The following TACR3 variants were observed in gnomAD, a reference collection of about 807,000 sequenced individuals.
The protein encoded by TACR3 is neuromedin-K receptor.
In TACR3, 34 loss-of-function variants were observed where a neutral mutation model predicts 35.0. The observed-to-expected ratio is 0.97, with a 90% CI of 0.74 to 1.30. TACR3 has a LOEUF of 1.30. Ranked by LOEUF, TACR3 falls within the 50% of genes most tolerant of loss-of-function variation. The pLI, the probability that TACR3 is intolerant of heterozygous loss-of-function variation, is 0.00. For synonymous variants in TACR3, 233 were observed against 221.1 expected (o/e 1.05, Z -0.48); for missense variants, 558 against 591.7 (o/e 0.94, Z 0.59).
intron 1 of TACR3, among the ~76,000 whole-genome samples, chr4:103,686,772 GC>G (rs1010229368): frequency 9.9e-5 from 15 of 152,096 alleles, no homozygotes; most frequent in African/African-American, 2.9e-4. Flanking sequence ...CTAAAGAAAA[GC>G]TTTTTAGGAC....
intron 1 of TACR3, among the ~76,000 whole-genome samples, chr4:103,716,794 GT>G (rs1723100138): frequency 6.6e-6 from 1 of 152,142 alleles, no homozygotes. Flanking sequence ...ATATAATTCA[GT>G]TTATATTCAG....
At chr4:103,600,502 C>G (rs1724169393) in intron 3 of TACR3, among the ~76,000 whole-genome samples, 1 of 152,130 alleles carries the variant, frequency 6.6e-6, no homozygotes, top group African/African-American at 2.4e-5. Flanking sequence ...CTTCTGCTAG[C>G]TTTTGAATGT....
At chr4:103,658,507 G>T in intron 1 of TACR3, 104 bp from the exon 2 acceptor site, 2 of 1,094,664 alleles carry the variant, frequency 1.8e-6, no homozygotes, top group Non-Finnish European at 2.7e-6. Flanking sequence ...TACAGTCATT[G>T]CTCTTTTGGG....
chr4:103,670,725 C>T (rs1726039483), intron 1 of TACR3, among the ~76,000 whole-genome samples: 1 of 151,914 alleles, frequency 6.6e-6, no homozygotes, highest in Admixed American at 6.6e-5. Flanking sequence ...TTAGTGGAGT[C>T]TTTAGGTTTT....
rs114147787 is a variant in TACR3 at position 103,615,963 on chromosome 4, C to T, written c.889-24280G>A. Among the ~76,000 whole-genome samples the T allele has an allele frequency of 4.2e-3, 641 of 152,130 alleles. 4 individuals carry two copies. The highest frequency in any genetic ancestry group is 0.014 in the African/African-American group (586 of 41,496). Reference sequence around the variant, plus strand: ...ATATTTTCTGAGAAAGAGTAATATCCTCTGCTTTGACAATTCCGGAAATAC... The same window carrying T: ...ATATTTTCTGAGAAAGAGTAATATCTTCTGCTTTGACAATTCCGGAAATAC... On this transcript the variant is annotated intron_variant, in intron 3 of 4. Transcript: ENST00000304883.
chr4:103,665,771 C>A (rs1331456899), intron 1 of TACR3, among the ~76,000 whole-genome samples: 2 of 152,066 alleles, frequency 1.3e-5, no homozygotes, highest in African/African-American at 2.4e-5. Flanking sequence ...AGTACCATAC[C>A]CCATGATTTT....
At chr4:103,636,993 G>A (rs1322642028) in intron 3 of TACR3, among the ~76,000 whole-genome samples, 14 of 152,038 alleles carry the variant, frequency 9.2e-5, no homozygotes, top group Non-Finnish European at 2.1e-4. Context: ...ATTCACAGCC[G>A]AATTCTACCA....
intron 3 of TACR3, among the ~76,000 whole-genome samples, chr4:103,619,521 GCCT>G (rs1724731855): frequency 6.6e-6 from 1 of 152,014 alleles, no homozygotes; most frequent in African/African-American, 2.4e-5. Context: ...TCCTTCTTTT[GCCT>G]GACTGCTCTG....
At chr4:103,659,107 T>C in intron 1 of TACR3, among the ~76,000 whole-genome samples, 1 of 152,136 alleles carries the variant, frequency 6.6e-6, no homozygotes, top group Non-Finnish European at 1.5e-5. Context: ...GCTCAGGCAG[T>C]AATGCAGCAC....
intron 1 of TACR3, among the ~76,000 whole-genome samples, chr4:103,713,905 C>T (rs1453758686): frequency 6.6e-6 from 1 of 152,034 alleles, no homozygotes; most frequent in African/African-American, 2.4e-5. Flanking sequence ...GCAGTAGCCA[C>T]CTGTGAGGAA....
Position 103,719,881 on chromosome 4 carries a change from G to C in TACR3, c.-206C>G. On this transcript the variant is annotated 5_prime_UTR_variant, in exon 1 of 5. Coordinates refer to ENST00000304883, the MANE Select transcript of TACR3 (RefSeq NM_001059.3). Reference sequence around the variant, plus strand: ...CAGCTGCACTTTCTCAGAGGCGCTTGCGGCTCTGGCAGGCAGAAAGAATGA... The same window carrying C: ...CAGCTGCACTTTCTCAGAGGCGCTTCCGGCTCTGGCAGGCAGAAAGAATGA... 1.6e-6 allele frequency: 1 copy of C among 632,542 alleles called. No individual in the cohort carries two copies. The highest frequency in any genetic ancestry group is 2.7e-6 in the Non-Finnish European group (1 of 366,878). 39.2% of individuals were successfully genotyped at this position (632,542 alleles called of 1,614,324 possible).
chr4:103,685,398 C>T (rs1382150998), intron 1 of TACR3, among the ~76,000 whole-genome samples: 1 of 151,996 alleles, frequency 6.6e-6, no homozygotes, highest in Non-Finnish European at 1.5e-5. Flanking sequence ...AACATTAAAA[C>T]AACAAAATAT....
At position 103,589,887 on chromosome 4, in the gene TACR3, C is replaced by A. The variant is rs763871412; in HGVS notation, c.1193G>T (p.Ser398Ile). The A allele has an allele frequency of 2.5e-6, 4 of 1,613,988 alleles. No homozygotes were observed. The highest frequency in any genetic ancestry group is 3.4e-6 in the Non-Finnish European group (4 of 1,179,888). ...CATTCTGGTCACGGTGTACATACTG[C>A]TTTGCCGGTTTGGATGAAACCTGGT... ...KTTRFHPNRQ[S>I]SMYTVTRMES... The change falls in exon 5 of 5, where the codon AGC (serine) becomes ATC (isoleucine). Residue 398 changes from serine to isoleucine, a missense_variant. By Grantham distance (142) the Ser-to-Ile change is moderately radical. Coordinates refer to ENST00000304883, the MANE Select transcript of TACR3 (RefSeq NM_001059.3).
intron 1 of TACR3, among the ~76,000 whole-genome samples, chr4:103,662,054 A>G (rs1170873249): frequency 6.6e-6 from 1 of 152,150 alleles, no homozygotes; most frequent in East Asian, 1.9e-4. Context: ...AAGTGTATAC[A>G]TGAACTGAGA....
At position 103,596,013 on chromosome 4, in the gene TACR3, T is replaced by C. The variant is rs1435147089; in HGVS notation, c.889-4330A>G. Among the ~76,000 whole-genome samples, 2 of 150,948 alleles carry C rather than the reference T, an allele frequency of 1.3e-5. 1 individual carries two copies. Among genetic ancestry groups the C allele is most frequent in the Non-Finnish European group, 3.0e-5 (2 of 67,780 alleles). On this transcript the variant is annotated intron_variant, in intron 3 of 4. Transcript: ENST00000304883. Reference sequence around the variant, plus strand: ...AGAATATGTGGTGTTTGGTTTTTTGTTCTTGTGATAGTTTACTGAGAATGA... The same window carrying C: ...AGAATATGTGGTGTTTGGTTTTTTGCTCTTGTGATAGTTTACTGAGAATGA...
chr4:103,673,811 T>C (rs1726103353), intron 1 of TACR3, among the ~76,000 whole-genome samples: 1 of 152,166 alleles, frequency 6.6e-6, no homozygotes, highest in South Asian at 2.1e-4. Context: ...TAGGTTGAAA[T>C]TCACCTATAA....
chr4:103,688,542 A>C (rs1722312533), intron 1 of TACR3, among the ~76,000 whole-genome samples: 1 of 150,838 alleles, frequency 6.6e-6, no homozygotes, highest in Non-Finnish European at 1.5e-5. Flanking sequence ...GAACTCAAAC[A>C]AATTTACAAG....
intron 3 of TACR3, among the ~76,000 whole-genome samples, chr4:103,592,632 AG>A (rs1723919950): frequency 6.6e-6 from 1 of 152,230 alleles, no homozygotes; most frequent in Non-Finnish European, 1.5e-5. Flanking sequence ...AATAGTAAAA[AG>A]TTTAAAATAA....
Position 103,674,160 on chromosome 4 carries a change from A to AGCTT in TACR3, c.549-15758_549-15757insAAGC, listed in dbSNP as rs1726115308. Reference sequence around the variant, plus strand: ...CAGAACACTTGGAAGCTTTAGTTAAATATATGAAAGGCTGTAGTGAGGAAC... The same window carrying AGCTT: ...CAGAACACTTGGAAGCTTTAGTTAAAGCTTTATATGAAAGGCTGTAGTGAGGAAC... On this transcript the variant is annotated intron_variant, in intron 1 of 4. Coordinates refer to ENST00000304883, the MANE Select transcript of TACR3 (RefSeq NM_001059.3). Among the ~76,000 whole-genome samples, 7 of 152,314 alleles carry AGCTT rather than the reference A, an allele frequency of 4.6e-5. No individual in the cohort carries two copies. In the South Asian group the frequency reaches 1.5e-3, roughly 32 times the overall value.
Sources: gnomAD v4.1 joint callset for allele counts (sites outside exome capture counted in the v4.1 genomes callset) on GRCh38, gnomAD v4.1.1 for gene constraint, MANE v1.5 for transcripts, NCBI Gene and HGNC (gene_info 2026-07-23, HGNC 2026-07-21) for gene names.